The following SEC16B variants were observed in gnomAD, a reference collection of about 807,000 sequenced individuals.
SEC16B encodes protein transport protein Sec16B.
In SEC16B, 115 loss-of-function variants were observed where a neutral mutation model predicts 141.8. The ratio of observed to expected loss-of-function variants is 0.81; its 90% CI spans 0.70 to 0.95. The LOEUF is 0.95. Among genes scored for constraint, SEC16B ranks in the 40% least tolerant of loss-of-function variants. The probability of loss-of-function intolerance (pLI) is 0.00; values close to 1 mark genes in which losing one functional copy is unlikely to be tolerated. For synonymous variants in SEC16B, 493 were observed against 492.5 expected (o/e 1.00, Z -0.01); for missense variants, 1,291 against 1,312.3 (o/e 0.98, Z 0.25).
chr1:177,931,079 G>A (rs753302370), intron 24 of SEC16B, among the ~76,000 whole-genome samples: 12 of 152,122 alleles, frequency 7.9e-5, no homozygotes, highest in South Asian at 2.1e-4. Context: ...ACTGGGTATC[G>A]GCCCAAAAGG....
intron 14 of SEC16B, chr1:177,945,395 A>G (rs968139906): frequency 6.6e-6 from 1 of 152,346 alleles, no homozygotes; most frequent in Non-Finnish European, 1.5e-5. Context: ...CAACGTAAAC[A>G]TAGGAGGGGA....
chr1:177,962,350 G>T (rs543083867), intron 5 of SEC16B, among the ~76,000 whole-genome samples: 14 of 151,906 alleles, frequency 9.2e-5, no homozygotes, highest in African/African-American at 3.1e-4. Context: ...GATTACAGGC[G>T]TGAGCCACCA....
intron 12 of SEC16B, chr1:177,948,531 A>G: frequency 7.7e-7 from 1 of 1,304,326 alleles, no homozygotes; most frequent in Non-Finnish European, 1.0e-6. Flanking sequence ...GACGATGCAG[A>G]GGCAGCAGAA....
At chr1:177,939,575 C>A (rs979134384) in intron 18 of SEC16B, 127 bp downstream of exon 18, 6 of 758,140 alleles carry the variant, frequency 7.9e-6, no homozygotes, top group South Asian at 1.6e-5. Flanking sequence ...GACAACGGGG[C>A]GGACTTACAC....
At chr1:177,956,296 G>A (rs563850828) in intron 10 of SEC16B, among the ~76,000 whole-genome samples, 1 of 152,104 alleles carries the variant, frequency 6.6e-6, no homozygotes, top group South Asian at 2.1e-4. Context: ...CCCATGGCTT[G>A]CAAAATGTAA....
At chr1:177,948,585 T>C (rs768011449) in intron 12 of SEC16B, 5 of 1,304,230 alleles carry the variant, frequency 3.8e-6, no homozygotes, top group South Asian at 2.5e-5. Flanking sequence ...GGTGGAAATG[T>C]ACAAAGCCCC....
chr1:177,973,355 C>T (rs150053173), upstream of SEC16B: 8 of 152,256 alleles, frequency 5.3e-5, no homozygotes, highest in Admixed American at 2.0e-4. Flanking sequence ...TCTACATCAA[C>T]GTGTTATCAG....
At chr1:177,963,110 A>AAAAAT (rs1395935779) in intron 5 of SEC16B, among the ~76,000 whole-genome samples, 1 of 151,898 alleles carries the variant, frequency 6.6e-6, no homozygotes, top group Admixed American at 6.6e-5. Context: ...TCTGTCTCAA[A>AAAAAT]AAAATAAAAT....
intron 14 of SEC16B, chr1:177,945,347 G>A (rs1343151688): frequency 6.6e-6 from 1 of 152,204 alleles, no homozygotes; most frequent in Non-Finnish European, 1.5e-5. Context: ...CCTGGGGGTA[G>A]GACTTTATTT....
intron 10 of SEC16B, among the ~76,000 whole-genome samples, chr1:177,957,117 C>A (rs554662353): frequency 1.3e-5 from 2 of 151,994 alleles, no homozygotes; most frequent in Non-Finnish European, 2.9e-5. Context: ...TATAAAGAAC[C>A]TTTTAAAAGT....
chr1:177,973,019 G>A (rs1362189273), upstream of SEC16B, among the ~76,000 whole-genome samples: 2 of 152,172 alleles, frequency 1.3e-5, no homozygotes, highest in African/African-American at 4.8e-5. Flanking sequence ...CTCCAGAAGG[G>A]TGAGAAATAA....
chr1:177,943,735 GT>G (rs1160810114), intron 15 of SEC16B, among the ~76,000 whole-genome samples: 1 of 152,214 alleles, frequency 6.6e-6, no homozygotes, highest in Non-Finnish European at 1.5e-5. Context: ...CTGCCATGAC[GT>G]CAACGCCGAA....
At chr1:177,963,302 C>A (rs781700668) in intron 5 of SEC16B, among the ~76,000 whole-genome samples, 2 of 151,658 alleles carry the variant, frequency 1.3e-5, no homozygotes, top group Non-Finnish European at 2.9e-5. Flanking sequence ...ACAAGACTTT[C>A]AAAATTACAA....
chr1:177,981,489 C>T (rs2102032984), intron 1 of SEC16B, among the ~76,000 whole-genome samples: 3 of 152,270 alleles, frequency 2.0e-5, no homozygotes, highest in Admixed American at 2.0e-4. Context: ...CAGCAAGCAG[C>T]CATCTGTCCA....
chr1:177,968,003 C>G lies in SEC16B; in HGVS notation c.-22G>C. On this transcript the variant is annotated 5_prime_UTR_variant, in exon 2 of 26. Coordinates refer to ENST00000308284, the MANE Select transcript of SEC16B (RefSeq NM_033127.4). ...CCATCCTTGACTCTCTGAATTTGTC[C>G]TGGGTTTTGAGTAAGTTGTGCAGTT... The G allele has an allele frequency of 3.2e-6, 5 of 1,576,772 alleles. No homozygotes were observed. Among genetic ancestry groups the G allele is most frequent in the African/African-American group, 1.4e-5 (1 of 73,872 alleles).
intron 13 of SEC16B, among the ~76,000 whole-genome samples, chr1:177,947,033 T>C (rs1651767024): frequency 6.6e-6 from 1 of 152,206 alleles, no homozygotes; most frequent in African/African-American, 2.4e-5. Context: ...TTCAGCTAGA[T>C]ACAATACCTA....
intron 6 of SEC16B, chr1:177,961,202 G>A: frequency 2.1e-6 from 1 of 474,716 alleles, no homozygotes; most frequent in Non-Finnish European, 3.7e-6. Flanking sequence ...CAGTGATGCT[G>A]AGAGGCCAAG....
intron 1 of SEC16B, among the ~76,000 whole-genome samples, chr1:177,983,024 T>C (rs771192985): frequency 3.9e-5 from 6 of 152,178 alleles, no homozygotes; most frequent in Non-Finnish European, 8.8e-5. Flanking sequence ...GTTTCTATTA[T>C]AGAATATCTC....
At chr1:177,938,987 G>C (rs1052926257) in intron 18 of SEC16B, among the ~76,000 whole-genome samples, 11 of 152,222 alleles carry the variant, frequency 7.2e-5, no homozygotes, top group Non-Finnish European at 1.5e-4. Flanking sequence ...GGGCTGTGGG[G>C]AAGCACAATC....
Sources: gnomAD v4.1 joint callset for allele counts (sites outside exome capture counted in the v4.1 genomes callset) on GRCh38, gnomAD v4.1.1 for gene constraint, MANE v1.5 for transcripts, NCBI Gene and HGNC (gene_info 2026-07-23, HGNC 2026-07-21) for gene names.